HTR1F: variants seen among roughly 807,000 people sequenced by gnomAD.
HTR1F encodes 5-hydroxytryptamine (serotonin) receptor 1F, G protein-coupled.
A neutral mutation model predicts 24.0 loss-of-function variants in HTR1F; 17 were observed. That is an observed-to-expected ratio of 0.71 (90% CI 0.48 to 1.06). The LOEUF is 1.06. HTR1F is among the 50% of genes least tolerant of loss of function. The pLI, the probability that HTR1F is intolerant of heterozygous loss-of-function variation, is 0.00. For synonymous variants in HTR1F, 186 were observed against 156.8 expected (o/e 1.19, Z -1.39); for missense variants, 391 against 427.8 (o/e 0.91, Z 0.76).
At chr3:87,919,974 C>T (rs1427678398) in intron 2 of HTR1F, among the ~76,000 whole-genome samples, 1 of 150,672 alleles carries the variant, frequency 6.6e-6, no homozygotes, top group Non-Finnish European at 1.5e-5. Flanking sequence ...AACCCAAATG[C>T]CCATCAATCA....
intron 2 of HTR1F, among the ~76,000 whole-genome samples, chr3:87,883,420 A>G (rs1380426160): frequency 6.6e-6 from 1 of 152,178 alleles, no homozygotes; most frequent in Non-Finnish European, 1.5e-5. Flanking sequence ...CTTCTCCTCC[A>G]AAGGATTACA....
intron 1 of HTR1F, among the ~76,000 whole-genome samples, chr3:87,811,779 G>A (rs1018130263): frequency 1.3e-5 from 2 of 152,108 alleles, no homozygotes; most frequent in African/African-American, 4.8e-5. Flanking sequence ...GCCGGTGAAA[G>A]TCATCTCCAA....
chr3:87,880,049 C>G (rs1705754771), intron 2 of HTR1F, among the ~76,000 whole-genome samples: 1 of 152,142 alleles, frequency 6.6e-6, no homozygotes, highest in Admixed American at 6.5e-5. Flanking sequence ...ACTTTTCTTA[C>G]TGAGTGCAAA....
chr3:87,991,186 T>A lies in HTR1F; in HGVS notation c.437T>A (p.Ile146Lys). ...AAGCATGCTGGCATTATGATTACAATAGTTTGGATTATATCTGTTTTTATC... is the reference window on the plus strand; with the variant it reads ...AAGCATGCTGGCATTATGATTACAAAAGTTTGGATTATATCTGTTTTTATC... Reference protein sequence around the residue: ...TPKHAGIMITIVWIISVFISM... With the variant: ...TPKHAGIMITKVWIISVFISM... Residue 146 changes from isoleucine (I) to lysine (K), a missense_variant, in exon 3 of 3, where the codon ATA becomes AAA. By Grantham distance (102) the Ile-to-Lys change is moderately radical (BLOSUM62 -3). Transcript: ENST00000319595. 1 of 1,614,002 alleles carries A rather than the reference T, an allele frequency of 6.2e-7. No individual in the cohort carries two copies. Among genetic ancestry groups the A allele is most frequent in the Non-Finnish European group, 8.5e-7 (1 of 1,179,976 alleles).
chr3:87,949,916 G>A (rs1469748057), intron 2 of HTR1F, among the ~76,000 whole-genome samples: 3 of 152,190 alleles, frequency 2.0e-5, no homozygotes, highest in Non-Finnish European at 4.4e-5. Context: ...AAAGGAAAGA[G>A]GTTTATTTAA....
chr3:87,843,952 A>C (rs1472488724), intron 2 of HTR1F, among the ~76,000 whole-genome samples: 7 of 151,130 alleles, frequency 4.6e-5, no homozygotes, highest in Admixed American at 4.6e-4. Flanking sequence ...GTTGGTTCCA[A>C]GTCTTTGCTA....
intron 2 of HTR1F, among the ~76,000 whole-genome samples, chr3:87,907,408 G>A (rs1465753395): frequency 4.0e-5 from 6 of 149,410 alleles, no homozygotes; most frequent in African/African-American, 1.2e-4. Context: ...AGTTCCTTGT[G>A]GATTCTGGAT....
chr3:87,894,593 GTCTC>G (rs1706159565), intron 2 of HTR1F, among the ~76,000 whole-genome samples: 1 of 124,250 alleles, frequency 8.0e-6, no homozygotes, highest in South Asian at 2.6e-4. Flanking sequence ...TTGAGACAGA[GTCTC>G]TCTCTGTCAC....
chr3:87,804,039 A>C (rs1704034920), intron 1 of HTR1F, among the ~76,000 whole-genome samples: 1 of 152,118 alleles, frequency 6.6e-6, no homozygotes, highest in African/African-American at 2.4e-5. Context: ...CTTTGACCCT[A>C]AGTTATTAGA....
intron 2 of HTR1F, among the ~76,000 whole-genome samples, chr3:87,865,049 C>A (rs1705396769): frequency 6.6e-6 from 1 of 152,022 alleles, no homozygotes; most frequent in Non-Finnish European, 1.5e-5. Flanking sequence ...TGTCTTTCTT[C>A]AAAGATAAAA....
intron 2 of HTR1F, among the ~76,000 whole-genome samples, chr3:87,854,844 T>A (rs1298365057): frequency 6.6e-6 from 1 of 152,058 alleles, no homozygotes; most frequent in Non-Finnish European, 1.5e-5. Flanking sequence ...TTCATATCTA[T>A]TAACTTTTTG....
chr3:87,804,002 C>G (rs1449380700), intron 1 of HTR1F, among the ~76,000 whole-genome samples: 2 of 152,070 alleles, frequency 1.3e-5, no homozygotes, highest in East Asian at 3.9e-4. Flanking sequence ...TCAGTCCTAT[C>G]ATTTTCCAGC....
intron 2 of HTR1F, among the ~76,000 whole-genome samples, chr3:87,939,925 T>C (rs1444860481): frequency 2.0e-5 from 3 of 152,312 alleles, no homozygotes; most frequent in Non-Finnish European, 4.4e-5. Context: ...TTGTCTGCTC[T>C]TGCTTCTCTA....
intron 2 of HTR1F, among the ~76,000 whole-genome samples, chr3:87,857,776 T>A (rs1339387602): frequency 1.3e-5 from 2 of 152,136 alleles, no homozygotes; most frequent in Non-Finnish European, 2.9e-5. Flanking sequence ...TAGGGTTCAC[T>A]CTTGGTGTTG....
intron 2 of HTR1F, among the ~76,000 whole-genome samples, chr3:87,979,257 C>A (rs1352038913): frequency 1.3e-5 from 2 of 152,022 alleles, no homozygotes; most frequent in African/African-American, 4.8e-5. Flanking sequence ...CAGATACCTT[C>A]AGTTGCCCCA....
At chr3:87,826,718 G>T (rs751402961) in intron 2 of HTR1F, among the ~76,000 whole-genome samples, 2 of 152,134 alleles carry the variant, frequency 1.3e-5, no homozygotes, top group Non-Finnish European at 2.9e-5. Flanking sequence ...ACCTACTACC[G>T]TGTAAATTCC....
chr3:87,867,779 G>T (rs1366586491), intron 2 of HTR1F, among the ~76,000 whole-genome samples: 1 of 152,076 alleles, frequency 6.6e-6, no homozygotes, highest in Non-Finnish European at 1.5e-5. Context: ...CTATGGTTGA[G>T]GTTTAAAATG....
chr3:87,874,972 C>CA (rs1170158954), intron 2 of HTR1F, among the ~76,000 whole-genome samples: 1 of 152,064 alleles, frequency 6.6e-6, no homozygotes, highest in Non-Finnish European at 1.5e-5. Context: ...ACACCATATA[C>CA]AAAAATCAAC....
intron 2 of HTR1F, among the ~76,000 whole-genome samples, chr3:87,828,388 A>C (rs1396306839): frequency 1.3e-5 from 2 of 152,236 alleles, no homozygotes; most frequent in African/African-American, 4.8e-5. Context: ...ATACAGTTTA[A>C]GTGTAAATAC....
Sources: gnomAD v4.1 joint callset for allele counts (sites outside exome capture counted in the v4.1 genomes callset) on GRCh38, gnomAD v4.1.1 for gene constraint, MANE v1.5 for transcripts, NCBI Gene and HGNC (gene_info 2026-07-23, HGNC 2026-07-21) for gene names.